The following GLG1 variants were observed in gnomAD, a reference collection of about 807,000 sequenced individuals.
The protein encoded by GLG1 is golgi glycoprotein 1.
A neutral mutation model predicts 160.5 loss-of-function variants in GLG1; 38 were observed. The ratio of observed to expected loss-of-function variants is 0.24; its 90% CI spans 0.18 to 0.31. The LOEUF is 0.31. Among genes scored for constraint, GLG1 ranks in the 10% least tolerant of loss-of-function variants. The pLI, the probability that GLG1 is intolerant of heterozygous loss-of-function variation, is 1.00. For missense variants in GLG1, 1,373 were observed against 1,505.2 expected, an observed-to-expected ratio of 0.91 and a Z score of 1.45; for synonymous variants, 644 against 543.4, an observed-to-expected ratio of 1.19 and a Z score of -2.57.
intron 1 of GLG1, among the ~76,000 whole-genome samples, chr16:74,565,204 C>T (rs1029318589): frequency 2.6e-5 from 4 of 152,072 alleles, no homozygotes; most frequent in Non-Finnish European, 4.4e-5. Context: ...TAGCACACGC[C>T]TATAATCCCA....
intron 1 of GLG1, among the ~76,000 whole-genome samples, chr16:74,544,947 A>G (rs966785977): frequency 4.6e-5 from 7 of 151,738 alleles, no homozygotes; most frequent in Non-Finnish European, 8.8e-5. Flanking sequence ...CATTGCCCCA[A>G]TCCCAAAATA....
At position 74,491,200 on chromosome 16, in the gene GLG1, C is replaced by A. The variant is rs2015970509; in HGVS notation, c.1250G>T (p.Ser417Ile). ...SAVHRGRQVS[S>I]ECQGEMLDYR... ...ATCCAGCATCTCCCCCTGGCACTCA[C>A]TGCTGACTTGTCGCCCTAAGTTAGG... Residue 417 changes from serine to isoleucine, a missense_variant, in exon 8 of 26, where the codon AGT becomes ATT. This residue lies in a region of GLG1 where 386 missense variants were observed against 388.5 expected (regional missense o/e 0.99). Coordinates refer to ENST00000422840, the MANE Select transcript of GLG1 (RefSeq NM_001145667.2). The A allele has an allele frequency of 6.2e-7, 1 of 1,613,564 alleles. No homozygotes were observed. Among genetic ancestry groups the A allele is most frequent in the Non-Finnish European group, 8.5e-7 (1 of 1,179,514 alleles).
At chr16:74,517,951 T>C (rs939104988) in intron 2 of GLG1, among the ~76,000 whole-genome samples, 1 of 152,132 alleles carries the variant, frequency 6.6e-6, no homozygotes, top group African/African-American at 2.4e-5. Context: ...CCATTCACAA[T>C]TGCTTCAAAA....
intron 2 of GLG1, among the ~76,000 whole-genome samples, chr16:74,516,794 AATAG>A (rs776448047): frequency 8.5e-5 from 13 of 152,198 alleles, no homozygotes; most frequent in Non-Finnish European, 1.6e-4. Context: ...AGATCAACAA[AATAG>A]ATAGACTGCT....
At position 74,447,498 on chromosome 16, in the gene GLG1, T is replaced by C. The variant is rs2014113938; in HGVS notation, c.*5669A>G. ...CATCTGTACAGAAAAAAATGCACAT[T>C]ATGTTCAGAACATATCTCAGTAACA... is the stretch of plus-strand genomic sequence containing the variant. On this transcript the variant is annotated 3_prime_UTR_variant, in exon 26 of 26. Transcript: ENST00000422840. The C allele has an allele frequency of 6.6e-6, 1 of 152,188 alleles. No individual in the cohort carries two copies. The highest frequency in any genetic ancestry group is 1.5e-5 in the Non-Finnish European group (1 of 68,040). 9.4% of individuals were successfully genotyped at this position (152,188 alleles called of 1,614,324 possible).
chr16:74,590,323 A>C (rs145585208), intron 1 of GLG1, among the ~76,000 whole-genome samples: 1 of 151,886 alleles, frequency 6.6e-6, no homozygotes, highest in Non-Finnish European at 1.5e-5. Context: ...TTTTACCATT[A>C]TAAGAAGTTT....
chr16:74,564,562 A>G (rs1481368040), intron 1 of GLG1, among the ~76,000 whole-genome samples: 1 of 152,230 alleles, frequency 6.6e-6, no homozygotes, highest in East Asian at 1.9e-4. Context: ...GATCATGAGG[A>G]CACCAAAACC....
Position 74,480,400 on chromosome 16 carries a change from A to C in GLG1, c.1674-6T>G. 1 of 1,596,668 alleles carries C rather than the reference A, an allele frequency of 6.3e-7. No individual in the cohort carries two copies. Among genetic ancestry groups the C allele is most frequent in the Non-Finnish European group, 8.5e-7 (1 of 1,173,138 alleles). On this transcript the variant is annotated splice_region_variant and splice_polypyrimidine_tract_variant and intron_variant, in intron 10 of 25. Transcript: ENST00000422840. ...GGTACAGGACAGGGTCCAGCCTATAAGGTTAAGAGTTAAAAGATAACCACT... is the reference window on the plus strand; with the variant it reads ...GGTACAGGACAGGGTCCAGCCTATACGGTTAAGAGTTAAAAGATAACCACT...
intron 1 of GLG1, among the ~76,000 whole-genome samples, chr16:74,546,085 T>A (rs1047261285): frequency 2.0e-5 from 3 of 152,202 alleles, no homozygotes; most frequent in Non-Finnish European, 4.4e-5. Flanking sequence ...GATCTTACCA[T>A]AGTATCTTTG....
In GLG1 at chr16:74,451,753, G is replaced by A. The variant is rs1003524865; in HGVS notation, c.*1414C>T. ...CCAAACTCAACCAAAGGAGTGCCAC[G>A]CTGAACCATGATGCCCGGACCCCTC... On this transcript the variant is annotated 3_prime_UTR_variant, in exon 26 of 26. Coordinates refer to ENST00000422840, the MANE Select transcript of GLG1 (RefSeq NM_001145667.2). 31 of 360,078 alleles carry A rather than the reference G, an allele frequency of 8.6e-5. No homozygotes were observed. Among genetic ancestry groups the A allele is most frequent in the Middle Eastern group, 8.5e-4 (1 of 1,182 alleles). The allele number at this position is 360,078 out of a possible 1,614,324, so 22.3% of individuals were successfully genotyped here.
At chr16:74,560,456 G>A (rs1392887023) in intron 1 of GLG1, among the ~76,000 whole-genome samples, 6 of 115,654 alleles carry the variant, frequency 5.2e-5, no homozygotes, top group African/African-American at 1.7e-4. Flanking sequence ...GCCTCCCCCC[G>A]CCGCCCCCCT....
At position 74,456,692 on chromosome 16, in the gene GLG1, T is replaced by G; in HGVS notation, c.3329A>C (p.Lys1110Thr). The change falls in exon 25 of 26, where the codon AAG becomes ACG. Residue 1110 changes from lysine to threonine, a missense_variant. By Grantham distance (78) the Lys-to-Thr change is moderately conservative. Around this residue, in one of 4 missense-constraint regions of GLG1, gnomAD observed 491 missense variants for 632.1 expected, o/e 0.78. Transcript: ENST00000422840. ...CATCTCAATCCGGTCATTGAGGCGC[T>G]TTTTGCACTCGGGCTGTAACCTCAC... Reference protein sequence around the residue: ...KRVRLQPECKKRLNDRIEMWS... With the variant: ...KRVRLQPECKTRLNDRIEMWS... 6.2e-7 allele frequency: 1 copy of G among 1,609,494 alleles called. No individual in the cohort carries two copies. Among genetic ancestry groups the G allele is most frequent in the Non-Finnish European group, 8.5e-7 (1 of 1,178,218 alleles).
chr16:74,541,761 A>G (rs1435522000), intron 1 of GLG1, among the ~76,000 whole-genome samples: 1 of 152,206 alleles, frequency 6.6e-6, no homozygotes, highest in Non-Finnish European at 1.5e-5. Context: ...AGAATTCAAA[A>G]TACATGACAC....
At chr16:74,480,889 C>T (rs1447322875) in intron 10 of GLG1, among the ~76,000 whole-genome samples, 4 of 152,142 alleles carry the variant, frequency 2.6e-5, no homozygotes, top group African/African-American at 9.7e-5. Flanking sequence ...GTAGTCAGCA[C>T]TGTGGGAGGC....
intron 19 of GLG1, 71 bp downstream of exon 19, chr16:74,465,605 G>A (rs549227943): frequency 1.3e-6 from 2 of 1,493,232 alleles, no homozygotes; most frequent in South Asian, 1.2e-5. Context: ...GCCTGAGGAA[G>A]TTGCTGCCAT....
At chr16:74,510,779 G>A (rs2016779259) in intron 2 of GLG1, among the ~76,000 whole-genome samples, 1 of 152,178 alleles carries the variant, frequency 6.6e-6, no homozygotes, top group African/African-American at 2.4e-5. Context: ...GACAAAGACT[G>A]TCCAGTGGCA....
At chr16:74,543,847 T>C (rs371914928) in intron 1 of GLG1, among the ~76,000 whole-genome samples, 4,457 of 152,164 alleles carry the variant, frequency 0.029, 137 homozygotes, top group African/African-American at 0.08. Flanking sequence ...CCTGAGCCAG[T>C]GATCACCACA....
intron 1 of GLG1, among the ~76,000 whole-genome samples, chr16:74,548,863 G>A (rs2018121045): frequency 6.6e-6 from 1 of 152,074 alleles, no homozygotes. Context: ...GGGCGTGGTG[G>A]CAGGCACCTG....
chr16:74,596,712 G>T (rs139182579), intron 1 of GLG1, among the ~76,000 whole-genome samples: 1 of 152,162 alleles, frequency 6.6e-6, no homozygotes, highest in African/African-American at 2.4e-5. Flanking sequence ...TTAGGGACAG[G>T]GGGGAAAATG....
Sources: gnomAD v4.1 joint callset for allele counts (sites outside exome capture counted in the v4.1 genomes callset) on GRCh38, gnomAD v4.1.1 for gene constraint, gnomAD v4.1.1 regional missense constraint, MANE v1.5 for transcripts, NCBI Gene and HGNC (gene_info 2026-07-23, HGNC 2026-07-21) for gene names.